RBFOX2: variants seen among roughly 807,000 people sequenced by gnomAD.
The protein encoded by RBFOX2 is RNA binding protein fox-1 homolog 2.
A neutral mutation model predicts 49.1 loss-of-function variants in RBFOX2; 10 were observed. That is an observed-to-expected ratio of 0.20 (90% CI 0.13 to 0.35). The LOEUF (loss-of-function observed/expected upper bound fraction) is 0.35. Among genes scored for constraint, RBFOX2 ranks in the 10% least tolerant of loss-of-function variants. The pLI, the probability that RBFOX2 is intolerant of heterozygous loss-of-function variation, is 1.00. For synonymous variants in RBFOX2, 183 were observed against 187.4 expected, an observed-to-expected ratio of 0.98 and a Z score of 0.19; for missense variants, 323 against 486.9, an observed-to-expected ratio of 0.66 and a Z score of 3.17.
In RBFOX2 at chr22:35,957,505, A is replaced by G. The variant is rs1209110896; in HGVS notation, c.42+4058T>C. On this transcript the variant is annotated intron_variant, in intron 1 of 5. Coordinates refer to the RBFOX2 transcript ENST00000408983. ...ACCTTACAGATAAGAAAACCAATGT[A>G]CCACAAGGTTTTAAATGTCTTTCTC... 2.0e-5 allele frequency among the ~76,000 whole-genome samples: 3 copies of G among 152,214 alleles called. No individual in the cohort carries two copies. In the East Asian group the frequency reaches 5.8e-4, roughly 29 times the overall value.
chr22:35,852,994 T>C (rs1488144030), intron 1 of RBFOX2, among the ~76,000 whole-genome samples: 2 of 152,064 alleles, frequency 1.3e-5, no homozygotes, highest in East Asian at 1.9e-4. Flanking sequence ...GACTGATGCA[T>C]TATTAAATGA....
chr22:35,909,317 T>C (rs977650016), intron 1 of RBFOX2, among the ~76,000 whole-genome samples: 5 of 152,100 alleles, frequency 3.3e-5, no homozygotes, highest in African/African-American at 9.7e-5. Flanking sequence ...TGAAAAAATA[T>C]ACATTACATC....
intron 1 of RBFOX2, among the ~76,000 whole-genome samples, chr22:35,888,629 T>C (rs2046886717): frequency 6.6e-6 from 1 of 152,166 alleles, no homozygotes; most frequent in South Asian, 2.1e-4. Flanking sequence ...CTTCCACTCA[T>C]GGCAGAAAGG....
In RBFOX2 at chr22:36,015,261, G is replaced by T. The variant is rs1239922383; in HGVS notation, c.186+12979C>A. On this transcript the variant is annotated intron_variant, in intron 1 of 13. Coordinates refer to the RBFOX2 transcript ENST00000438146. ...AACACAAAACATAGTAAAATCTTAT[G>T]TAAGTATGTAACTAATGCAGACATA... 2.0e-5 allele frequency among the ~76,000 whole-genome samples: 3 copies of T among 152,178 alleles called. No individual in the cohort carries two copies. The East Asian group carries it at 5.8e-4, about 29-fold the overall frequency.
chr22:35,834,030 G>A (rs1044742434), intron 1 of RBFOX2, among the ~76,000 whole-genome samples: 3 of 152,130 alleles, frequency 2.0e-5, no homozygotes, highest in African/African-American at 7.2e-5. Context: ...AGTCAGGGAT[G>A]GAAATTTCAG....
intron 1 of RBFOX2, among the ~76,000 whole-genome samples, chr22:35,876,707 C>T (rs113751450): frequency 4.9e-5 from 7 of 142,494 alleles, no homozygotes; most frequent in African/African-American, 1.8e-4. Context: ...AAGAAACACA[C>T]ACACACACAC....
intron 1 of RBFOX2, among the ~76,000 whole-genome samples, 162 bp from the exon 3 acceptor site, chr22:35,810,166 CAT>C (rs1951575456): frequency 6.8e-6 from 1 of 147,978 alleles, no homozygotes; most frequent in Non-Finnish European, 1.5e-5. Flanking sequence ...CACATACACA[CAT>C]AGATATATGT....
upstream of RBFOX2, among the ~76,000 whole-genome samples, chr22:35,843,751 C>CA (rs1250653794): frequency 6.6e-6 from 1 of 152,198 alleles, no homozygotes; most frequent in Non-Finnish European, 1.5e-5. Context: ...GTGTCATCCT[C>CA]AGATCTCTTT....
At chr22:35,843,440 A>G (rs2040768442), upstream of RBFOX2, among the ~76,000 whole-genome samples, 1 of 63,544 alleles carries the variant, frequency 1.6e-5, no homozygotes, top group African/African-American at 6.6e-5. Flanking sequence ...TGTAGTCTCA[A>G]CTCTTTGAGT....
chr22:35,799,812 G>A (rs1949445155), intron 2 of RBFOX2, among the ~76,000 whole-genome samples: 1 of 151,964 alleles, frequency 6.6e-6, no homozygotes, highest in African/African-American at 2.4e-5. Context: ...AATTAGCCGG[G>A]TGTGGGGGTA....
At chr22:35,937,254 A>T (rs931323724) in intron 1 of RBFOX2, among the ~76,000 whole-genome samples, 2 of 152,262 alleles carry the variant, frequency 1.3e-5, no homozygotes, top group African/African-American at 4.8e-5. Context: ...TATCAAAGGC[A>T]TAAGTTTCCC....
intron 1 of RBFOX2, among the ~76,000 whole-genome samples, chr22:35,977,795 C>T (rs1490689449): frequency 2.7e-5 from 3 of 112,316 alleles, no homozygotes; most frequent in East Asian, 2.6e-4. Flanking sequence ...TATGTGTATA[C>T]GTATAAAATC....
intron 1 of RBFOX2, among the ~76,000 whole-genome samples, chr22:35,889,343 GCAA>G (rs1225374806): frequency 6.6e-6 from 1 of 152,086 alleles, no homozygotes; most frequent in Non-Finnish European, 1.5e-5. Flanking sequence ...GGCCATGTAA[GCAA>G]TATTTCCTCT....
chr22:35,934,528 A>C lies in RBFOX2; in HGVS notation c.-34+4319T>G, dbSNP rs556152614. 7.2e-5 allele frequency among the ~76,000 whole-genome samples: 11 copies of C among 152,244 alleles called. No individual in the cohort carries two copies. In the South Asian group the frequency reaches 2.3e-3, roughly 32 times the overall value. ...ACTTTTTATTCTCAAAAGTGCCCCA[A>C]CTTGAATGCTAAAGTTTATATGGTC... is the stretch of plus-strand genomic sequence containing the variant. On this transcript the variant is annotated intron_variant, in intron 1 of 13. Coordinates refer to the RBFOX2 transcript ENST00000359369.
At chr22:35,860,275 C>T (rs755596679) in intron 1 of RBFOX2, among the ~76,000 whole-genome samples, 3 of 152,108 alleles carry the variant, frequency 2.0e-5, no homozygotes, top group Non-Finnish European at 4.4e-5. Context: ...CCCGACACTA[C>T]TGTGTGAAGA....
intron 1 of RBFOX2, among the ~76,000 whole-genome samples, chr22:35,915,168 C>T (rs553424092): frequency 3.5e-4 from 54 of 152,320 alleles, no homozygotes; most frequent in African/African-American, 1.2e-3. Flanking sequence ...CCTTTAAGAG[C>T]AGCCCCATCC....
chr22:35,963,390 T>C (rs1464901618), upstream of RBFOX2, among the ~76,000 whole-genome samples: 1 of 152,202 alleles, frequency 6.6e-6, no homozygotes, highest in Non-Finnish European at 1.5e-5. Flanking sequence ...AGCATTCCTA[T>C]GGACACCATG....
At chr22:35,932,096 G>A (rs567217213) in intron 1 of RBFOX2, among the ~76,000 whole-genome samples, 1 of 152,188 alleles carries the variant, frequency 6.6e-6, no homozygotes, top group Admixed American at 6.5e-5. Flanking sequence ...AAGCTCAAAA[G>A]CACTAAGCTA....
rs552076743 is a variant in RBFOX2, at chr22:35,901,668, T to C, written c.-34+37179A>G. ...CTAAACTAAGCTCTAGATGTATATA[T>C]ACATGGAGAAAGCGGTCCATCTCAA... On this transcript the variant is annotated intron_variant, in intron 1 of 13. Transcript: ENST00000359369. Among the ~76,000 whole-genome samples the C allele has an allele frequency of 1.4e-4, 22 of 152,288 alleles. No individual in the cohort carries two copies. The South Asian group carries it at 4.6e-3, about 32-fold the overall frequency.
Sources: gnomAD v4.1 joint callset for allele counts (sites outside exome capture counted in the v4.1 genomes callset) on GRCh38, gnomAD v4.1.1 for gene constraint, MANE v1.5 for transcripts, NCBI Gene and HGNC (gene_info 2026-07-23, HGNC 2026-07-21) for gene names.